The following NOL4L variants were observed in gnomAD, a reference collection of about 807,000 sequenced individuals.
The protein encoded by NOL4L is nucleolar protein 4-like.
In NOL4L, 7 loss-of-function variants were observed where a neutral mutation model predicts 64.5. The ratio of observed to expected loss-of-function variants is 0.11; its 90% CI spans 0.06 to 0.20. The LOEUF (loss-of-function observed/expected upper bound fraction) is 0.20. Ranked by LOEUF, NOL4L falls within the 10% of genes least tolerant of loss-of-function variation. The probability of loss-of-function intolerance (pLI) is 1.00; values close to 1 mark genes in which losing one functional copy is unlikely to be tolerated. For missense variants in NOL4L, 680 were observed against 967.1 expected (o/e 0.70, Z 3.94); for synonymous variants, 413 against 401.0 (o/e 1.03, Z -0.36).
intron 4 of NOL4L, among the ~76,000 whole-genome samples, chr20:32,477,727 C>A (rs2015481996): frequency 6.6e-6 from 1 of 152,240 alleles, no homozygotes; most frequent in Admixed American, 6.5e-5. Context: ...TGGTGCCCTG[C>A]AATGCCTCCC....
chr20:32,537,046 C>T (rs2018556465), intron 1 of NOL4L: 17 of 984,324 alleles, frequency 1.7e-5, no homozygotes, highest in African/African-American at 1.8e-5. Context: ...GCTCCCGGCG[C>T]ACCTGCCCTG....
chr20:32,462,797 C>T (rs2014190614), intron 5 of NOL4L, among the ~76,000 whole-genome samples: 1 of 148,940 alleles, frequency 6.7e-6, no homozygotes, highest in African/African-American at 2.5e-5. Flanking sequence ...CCCAGCTACT[C>T]AGGAGGCTGA....
At chr20:32,560,201 C>T (rs1269472094) in intron 1 of NOL4L, among the ~76,000 whole-genome samples, 1 of 152,236 alleles carries the variant, frequency 6.6e-6, no homozygotes, top group Non-Finnish European at 1.5e-5. Context: ...GGGCACCAAT[C>T]GTGGCCTGCT....
intron 1 of NOL4L, among the ~76,000 whole-genome samples, chr20:32,556,101 G>GC (rs549721949): frequency 3.3e-5 from 5 of 152,170 alleles, no homozygotes; most frequent in Non-Finnish European, 7.3e-5. Context: ...TGCATAGTAG[G>GC]CCCCCCCTAA....
At chr20:32,525,223 T>TA (rs1171447566) in intron 2 of NOL4L, among the ~76,000 whole-genome samples, 1 of 152,190 alleles carries the variant, frequency 6.6e-6, no homozygotes, top group Non-Finnish European at 1.5e-5. Flanking sequence ...ACCCCTGCCT[T>TA]CCTAAACCGC....
At chr20:32,478,802 G>A (rs1006162359) in intron 4 of NOL4L, among the ~76,000 whole-genome samples, 1 of 152,174 alleles carries the variant, frequency 6.6e-6, no homozygotes, top group African/African-American at 2.4e-5. Context: ...TATCGCCCAG[G>A]CTGGCCTCGA....
At chr20:32,484,327 C>G (rs2015948526) in intron 4 of NOL4L, among the ~76,000 whole-genome samples, 1 of 151,724 alleles carries the variant, frequency 6.6e-6, no homozygotes, top group Admixed American at 6.6e-5. Context: ...CCCACCCCCA[C>G]GGCAGGGCCC....
chr20:32,528,143 A>T (rs2018205830), intron 1 of NOL4L, among the ~76,000 whole-genome samples: 1 of 152,204 alleles, frequency 6.6e-6, no homozygotes, highest in African/African-American at 2.4e-5. Context: ...GCGACAACGA[A>T]AATACAAATT....
intron 1 of NOL4L, among the ~76,000 whole-genome samples, chr20:32,574,174 C>A (rs1360484061): frequency 6.6e-6 from 1 of 152,220 alleles, no homozygotes; most frequent in African/African-American, 2.4e-5. Context: ...CTGTCCTTGG[C>A]CATACCGCCT....
At chr20:32,548,931 T>C (rs1208813812) in intron 1 of NOL4L, 2 of 370,598 alleles carry the variant, frequency 5.4e-6, no homozygotes, top group South Asian at 4.0e-5. Context: ...AACATACTTA[T>C]GCACTGACAG....
At chr20:32,562,480 C>T (rs1979090209) in intron 1 of NOL4L, among the ~76,000 whole-genome samples, 1 of 152,168 alleles carries the variant, frequency 6.6e-6, no homozygotes. Context: ...CATGCCTCTG[C>T]ACAGGCTGTC....
chr20:32,454,778 AG>A (rs2145432787), intron 6 of NOL4L, among the ~76,000 whole-genome samples: 1 of 152,348 alleles, frequency 6.6e-6, no homozygotes, highest in South Asian at 2.1e-4. Flanking sequence ...AGGCAGGCTC[AG>A]GGAACAGGTG....
At chr20:32,533,798 C>G (rs1489306085) in intron 1 of NOL4L, among the ~76,000 whole-genome samples, 1 of 152,210 alleles carries the variant, frequency 6.6e-6, no homozygotes, top group African/African-American at 2.4e-5. Context: ...TCAGATGGAT[C>G]TGAATGCTCA....
chr20:32,558,089 A>C (rs1019779900), intron 1 of NOL4L, among the ~76,000 whole-genome samples: 2 of 152,206 alleles, frequency 1.3e-5, no homozygotes, highest in African/African-American at 4.8e-5. Context: ...CTGATATTTA[A>C]ACAAAGTTGA....
At chr20:32,525,983 C>T (rs2018118954) in intron 2 of NOL4L, among the ~76,000 whole-genome samples, 1 of 152,170 alleles carries the variant, frequency 6.6e-6, no homozygotes, top group Non-Finnish European at 1.5e-5. Flanking sequence ...GTCTCACACT[C>T]CTGGCTTCAA....
At chr20:32,547,446 T>C (rs1337895063) in intron 1 of NOL4L, among the ~76,000 whole-genome samples, 1 of 152,068 alleles carries the variant, frequency 6.6e-6, no homozygotes, top group Non-Finnish European at 1.5e-5. Flanking sequence ...CAAGCCACCA[T>C]GCCCAGCTAA....
rs1369067079 is a variant in NOL4L at position 32,464,363 on chromosome 20, T to G, written c.842-7968A>C. Among the ~76,000 whole-genome samples the G allele has an allele frequency of 2.0e-5, 3 of 152,140 alleles. No individual in the cohort carries two copies. Among genetic ancestry groups the G allele is most frequent in the African/African-American group, 7.2e-5 (3 of 41,442 alleles). ...CACTAGGACCCTACCATCCGGGTGA[T>G]GGGGCCACACGGGGCACCTGCATTC... On this transcript the variant is annotated intron_variant, in intron 5 of 10. Coordinates refer to ENST00000621426, the MANE Select transcript of NOL4L (RefSeq NM_001256798.2). This position sits in a 1 kb window ranked among gnomAD's most constrained non-coding sequence, Gnocchi z 5.6.
rs1016927083 is a variant in NOL4L at position 32,553,618 on chromosome 20, C to T, written c.322-25705G>A. 1.3e-5 allele frequency among the ~76,000 whole-genome samples: 2 copies of T among 152,182 alleles called. 1 individual carries two copies. Among genetic ancestry groups the T allele is most frequent in the South Asian group, 4.1e-4 (2 of 4,826 alleles). On this transcript the variant is annotated intron_variant, in intron 1 of 10. Coordinates refer to ENST00000621426, the MANE Select transcript of NOL4L (RefSeq NM_001256798.2). ...ATTTAGGGTTCATGGTCTGTCTCCC[C>T]ACCCCCAAACATACAGGCTCCGTGG...
At chr20:32,573,419 C>T (rs543524701) in intron 1 of NOL4L, among the ~76,000 whole-genome samples, 3 of 151,938 alleles carry the variant, frequency 2.0e-5, no homozygotes, top group Non-Finnish European at 4.4e-5. Context: ...GAAACCCCGG[C>T]CAGTCTGAGC....
Sources: allele counts gnomAD v4.1 joint callset (sites outside exome capture counted in the v4.1 genomes callset), GRCh38; gene constraint gnomAD v4.1.1; non-coding constraint Gnocchi (gnomAD v3.1); transcripts MANE v1.5; gene names NCBI Gene and HGNC (gene_info 2026-07-23, HGNC 2026-07-21).